The following CD163L1 variants were observed in gnomAD, a reference collection of about 807,000 sequenced individuals.
The protein encoded by CD163L1 is scavenger receptor cysteine-rich type 1 protein M160.
CD163L1 carries 124 observed loss-of-function variants against 165.4 expected under a neutral mutation model. The ratio of observed to expected loss-of-function variants is 0.75; its 90% confidence interval spans 0.65 to 0.87. The LOEUF is 0.87. Among genes scored for constraint, CD163L1 ranks in the 40% least tolerant of loss-of-function variants. CD163L1 has a pLI of 0.00. For synonymous variants in CD163L1, 585 were observed against 662.2 expected (o/e 0.88, Z 1.79); for missense variants, 1,525 against 1,799.9 (o/e 0.85, Z 2.76).
intron 18 of CD163L1, among the ~76,000 whole-genome samples, chr12:7,364,728 C>T (rs1946975976): frequency 6.6e-6 from 1 of 151,594 alleles, no homozygotes; most frequent in South Asian, 2.1e-4. Context: ...ATCAATTTAA[C>T]CAAGAAGTGA....
rs1447386143 is a variant in CD163L1 at position 7,375,954 on chromosome 12, T to G, written c.2432A>C (p.Lys811Thr). The change falls in exon 10 of 20, where the codon AAA becomes ACA. Residue 811 changes from lysine to threonine, a missense_variant. By Grantham distance (78) the Lys-to-Thr change is moderately conservative. Transcript: ENST00000313599. The part of the protein sequence containing the change: ...DMPCSGRVEV[K>T]HADTWRSVCD... ...GACAGAGCGCCATGTGTCTGCATGT[T>G]TCACTTCAACACGTCCAGAGCAGGG... 1 of 1,614,222 alleles carries G rather than the reference T, an allele frequency of 6.2e-7. No homozygotes were observed. Among genetic ancestry groups the G allele is most frequent in the Non-Finnish European group, 8.5e-7 (1 of 1,180,036 alleles).
rs531292828 is a variant in CD163L1 at position 7,385,924 on chromosome 12, T to C, written c.2051-6626A>G. Among the ~76,000 whole-genome samples, 8 of 152,092 alleles carry C rather than the reference T, an allele frequency of 5.3e-5. 1 individual carries two copies. Among genetic ancestry groups the C allele is most frequent in the African/African-American group, 9.6e-5 (4 of 41,556 alleles). ...GAAAGATTTCAAATAAACAATCTAATGATGTATCACAACACACTAGAAAAG... is the reference window on the plus strand; with the variant it reads ...GAAAGATTTCAAATAAACAATCTAACGATGTATCACAACACACTAGAAAAG... On this transcript the variant is annotated intron_variant, in intron 8 of 19. Transcript: ENST00000313599.
chr12:7,351,425 T>C (rs909742089), downstream of CD163L1, among the ~76,000 whole-genome samples: 3 of 152,124 alleles, frequency 2.0e-5, no homozygotes, highest in Non-Finnish European at 2.9e-5. Flanking sequence ...CTTTCTGGCT[T>C]GCAGACAGCC....
chr12:7,370,880 C>A (rs1190002327), intron 14 of CD163L1, among the ~76,000 whole-genome samples: 1 of 152,110 alleles, frequency 6.6e-6, no homozygotes, highest in Non-Finnish European at 1.5e-5. Context: ...GGTTTTTAAT[C>A]CTACTTCTTT....
chr12:7,391,094 C>T (rs1176098901), intron 8 of CD163L1, among the ~76,000 whole-genome samples: 3 of 152,154 alleles, frequency 2.0e-5, no homozygotes, highest in Admixed American at 1.3e-4. Flanking sequence ...AGTGGACCTC[C>T]AGCAAACTCC....
intron 4 of CD163L1, among the ~76,000 whole-genome samples, chr12:7,418,840 ACT>A (rs1482838778): frequency 6.6e-6 from 1 of 152,066 alleles, no homozygotes; most frequent in African/African-American, 2.4e-5. Context: ...AGAAATAGAA[ACT>A]CTGAACAGAC....
rs1410649389 is a variant in CD163L1 at position 7,347,806 on chromosome 12, A to G, written c.*25-659T>C. On this transcript the variant is annotated intron_variant, in intron 4 of 4. Coordinates refer to the CD163L1 transcript ENST00000539726. The surrounding 1 kb of genome is among the most constrained non-coding windows in gnomAD (Gnocchi z 4.2). ...AGAAAAAGAAATGGTCTCTTATGCT[A>G]AGGATGCCATGGAATAAAACAACCA... is the stretch of plus-strand genomic sequence containing the variant. Among the ~76,000 whole-genome samples the G allele has an allele frequency of 1.3e-5, 2 of 152,138 alleles. No homozygotes were observed. The highest frequency in any genetic ancestry group is 4.8e-5 in the African/African-American group (2 of 41,440).
chr12:7,355,443 A>G (rs1363852166), intron 19 of CD163L1, among the ~76,000 whole-genome samples: 2 of 152,176 alleles, frequency 1.3e-5, no homozygotes, highest in Non-Finnish European at 2.9e-5. Context: ...GTATGATTAC[A>G]TATGGTTTTG....
At position 7,433,429 on chromosome 12, in the gene CD163L1, C is replaced by T; in HGVS notation, c.390G>A (p.Arg130=). 6.2e-7 allele frequency: 1 copy of T among 1,612,606 alleles called. No individual in the cohort carries two copies. The highest frequency in any genetic ancestry group is 1.7e-5 in the Admixed American group (1 of 59,954). ...NESALWECQH[R]EWGSHNCYHG... ...GATAACAGTTATGGCTTCCCCATTC[C>T]CGGTGTTGACATTCCCAGAGAGCTG... Residue 130 remains arginine (R), a synonymous_variant, in exon 3 of 20, where the codon CGG becomes CGA. Coordinates refer to ENST00000313599, the MANE Select transcript of CD163L1 (RefSeq NM_174941.6).
chr12:7,322,911 G>T, the CD163L1 span, among the ~76,000 whole-genome samples: 2 of 152,220 alleles, frequency 1.3e-5, no homozygotes, highest in East Asian at 3.9e-4. Flanking sequence ...TTTTCAAAGT[G>T]TGGCCCTCAA....
intron 8 of CD163L1, among the ~76,000 whole-genome samples, chr12:7,395,821 A>G (rs150470015): frequency 6.2e-4 from 94 of 152,316 alleles, no homozygotes; most frequent in African/African-American, 2.1e-3. Context: ...GACTATGGAT[A>G]ATGTCTTTTT....
the CD163L1 span, among the ~76,000 whole-genome samples, chr12:7,319,538 C>T: frequency 2.7e-5 from 4 of 146,772 alleles, no homozygotes; most frequent in Admixed American, 1.4e-4. Context: ...TGCAGTGAGC[C>T]GAGATCACAC....
rs374531054 is a variant in CD163L1 at position 7,413,910 on chromosome 12, T to C, written c.767-7058A>G. Among the ~76,000 whole-genome samples, 7 of 152,210 alleles carry C rather than the reference T, an allele frequency of 4.6e-5. No homozygotes were observed. In the East Asian group the frequency reaches 1.2e-3, roughly 25 times the overall value. On this transcript the variant is annotated intron_variant, in intron 4 of 19. Transcript: ENST00000313599. ...CAGGGAACAAAAGGGGTGGATTAAG[T>C]ACACCCATAAAAAAGGTCTGAGAGA... is the stretch of plus-strand genomic sequence containing the variant.
At chr12:7,334,870 A>G in the CD163L1 span, among the ~76,000 whole-genome samples, 1 of 152,250 alleles carries the variant, frequency 6.6e-6, no homozygotes, top group Non-Finnish European at 1.5e-5. Flanking sequence ...GAGCCAAATC[A>G]TGAGTGAACT....
At chr12:7,417,329 G>A (rs1948265748) in intron 4 of CD163L1, among the ~76,000 whole-genome samples, 1 of 152,046 alleles carries the variant, frequency 6.6e-6, no homozygotes, top group African/African-American at 2.4e-5. Context: ...GAGATGATGG[G>A]GTTTTCTAAC....
downstream of CD163L1, among the ~76,000 whole-genome samples, chr12:7,343,465 A>G (rs764944707): frequency 6.6e-6 from 1 of 152,314 alleles, no homozygotes; most frequent in East Asian, 1.9e-4. Context: ...CAGGAAGCAT[A>G]GTGCTGGGCA....
the CD163L1 span, among the ~76,000 whole-genome samples, chr12:7,332,348 G>A: frequency 6.6e-6 from 1 of 152,264 alleles, no homozygotes; most frequent in Admixed American, 6.5e-5. Context: ...AACCAAGTTG[G>A]AAAACACTCT....
At chr12:7,417,878 G>A (rs771540436) in intron 4 of CD163L1, among the ~76,000 whole-genome samples, 34 of 151,376 alleles carry the variant, frequency 2.2e-4, no homozygotes, top group Non-Finnish European at 4.7e-4. Flanking sequence ...GTTTTTTGTT[G>A]TTATTGTGTC....
chr12:7,360,174 C>T (rs1946863280), intron 18 of CD163L1, among the ~76,000 whole-genome samples: 1 of 151,838 alleles, frequency 6.6e-6, no homozygotes, highest in Non-Finnish European at 1.5e-5. Context: ...TGGAGTTTCG[C>T]TCTTGTCACC....
Sources: gnomAD v4.1 joint callset for allele counts (sites outside exome capture counted in the v4.1 genomes callset) on GRCh38, gnomAD v4.1.1 for gene constraint, Gnocchi (gnomAD v3.1) non-coding constraint, MANE v1.5 for transcripts, NCBI Gene and HGNC (gene_info 2026-07-23, HGNC 2026-07-21) for gene names.